Variants in EVC2 observed in about 807,000 individuals in gnomAD.
The protein encoded by EVC2 is EvC ciliary complex subunit 2.
A neutral mutation model predicts 149.3 loss-of-function variants in EVC2; 148 were observed. That is an observed-to-expected ratio of 0.99 (90% CI 0.87 to 1.14). The LOEUF (loss-of-function observed/expected upper bound fraction) is 1.14. EVC2 is among the 50% of genes most tolerant of loss of function. EVC2 has a pLI of 0.00. For missense variants in EVC2, 1,854 were observed against 1,627.3 expected (o/e 1.14, Z -2.40); for synonymous variants, 776 against 649.9 (o/e 1.19, Z -2.95).
At position 5,618,177 on chromosome 4, in the gene EVC2, G is replaced by C. The variant is rs1715405142; in HGVS notation, c.2706+301C>G. On this transcript the variant is annotated intron_variant, in intron 15 of 21. Transcript: ENST00000344408. This position sits in a 1 kb window ranked among gnomAD's most constrained non-coding sequence, Gnocchi z 4.4. ...GCAGGAGAGACAGAGTAATATCTCA[G>C]GCCAGGCAGCTTCCCTCAGGAGATT... is the stretch of plus-strand genomic sequence containing the variant. Among the ~76,000 whole-genome samples, 1 of 152,172 alleles carries C rather than the reference G, an allele frequency of 6.6e-6. No individual in the cohort carries two copies.
At chr4:5,708,693 G>A, upstream of EVC2, 1 of 481,248 alleles carries the variant, frequency 2.1e-6, no homozygotes. Context: ...GCGTGGGAGG[G>A]GGAGAGCGAG....
At chr4:5,684,133 G>A (rs1202155851) in intron 6 of EVC2, among the ~76,000 whole-genome samples, 2 of 151,966 alleles carry the variant, frequency 1.3e-5, no homozygotes, top group East Asian at 1.9e-4. Context: ...GATTTCTTCT[G>A]GACCATTTTA....
chr4:5,706,142 T>C (rs1261567060), intron 1 of EVC2, among the ~76,000 whole-genome samples: 1 of 151,756 alleles, frequency 6.6e-6, no homozygotes, highest in Non-Finnish European at 1.5e-5. Flanking sequence ...ATCCTTCAAG[T>C]CTTGACTGAC....
intron 16 of EVC2, among the ~76,000 whole-genome samples, chr4:5,590,621 T>G (rs4334691): frequency 0.17 from 25,399 of 151,590 alleles, 2,949 homozygotes; most frequent in East Asian, 0.62. Context: ...TAATACACAC[T>G]GACCACAGAG....
In EVC2 at chr4:5,650,071, C is replaced by T. The variant is rs115397781; in HGVS notation, c.1146-9233G>A. Among the ~76,000 whole-genome samples, 783 of 152,268 alleles carry T rather than the reference C, an allele frequency of 5.1e-3. 12 individuals are homozygous for T. Among genetic ancestry groups the T allele is most frequent in the African/African-American group, 0.016 (672 of 41,544 alleles). On this transcript the variant is annotated intron_variant, in intron 9 of 21. Transcript: ENST00000344408. ...GAGGTCAGCAGTTTGCATCTTTCTTCGCTGACAATTTTGCTCTTAAAGATT... is the reference window on the plus strand; with the variant it reads ...GAGGTCAGCAGTTTGCATCTTTCTTTGCTGACAATTTTGCTCTTAAAGATT...
intron 16 of EVC2, among the ~76,000 whole-genome samples, chr4:5,605,863 G>A (rs1156487813): frequency 4.6e-5 from 7 of 152,162 alleles, no homozygotes; most frequent in Non-Finnish European, 1.0e-4. Flanking sequence ...CAGCAACTTT[G>A]ACATCTCCCC....
In EVC2 at chr4:5,636,685, C is replaced by G. The variant is rs1300505293; in HGVS notation, c.1470+3829G>C. Among the ~76,000 whole-genome samples the G allele has an allele frequency of 6.6e-5, 10 of 152,050 alleles. No individual in the cohort carries two copies. The highest frequency in any genetic ancestry group is 1.3e-4 in the Non-Finnish European group (9 of 68,018). On this transcript the variant is annotated intron_variant, in intron 10 of 21. Coordinates refer to ENST00000344408, the MANE Select transcript of EVC2 (RefSeq NM_147127.5). The surrounding 1 kb of genome is among the most constrained non-coding windows in gnomAD (Gnocchi z 4.6). ...GGTGGGGAGGGTCCTGGAACCAATG[C>G]TTCCTGGGTATCAAGGGAGGGATGA...
At chr4:5,706,381 CATAG>C (rs373650736) in intron 1 of EVC2, among the ~76,000 whole-genome samples, 7 of 7,390 alleles carry the variant, frequency 9.5e-4, no homozygotes, top group Admixed American at 1.5e-3. Flanking sequence ...TAGATAGATA[CATAG>C]ATAGATACAT....
chr4:5,536,732 A>T, the EVC2 span, among the ~76,000 whole-genome samples: 3 of 151,830 alleles, frequency 2.0e-5, no homozygotes, highest in Non-Finnish European at 4.4e-5. Context: ...TGCAATGAGC[A>T]GAGATCACGC....
downstream of EVC2, among the ~76,000 whole-genome samples, chr4:5,538,674 T>A (rs926323346): frequency 2.0e-5 from 3 of 152,178 alleles, no homozygotes; most frequent in African/African-American, 4.8e-5. Flanking sequence ...TAATATTTTT[T>A]AAAAAATCAA....
At chr4:5,586,213 T>A (rs1712264229) in intron 16 of EVC2, among the ~76,000 whole-genome samples, 1 of 152,164 alleles carries the variant, frequency 6.6e-6, no homozygotes, top group Non-Finnish European at 1.5e-5. Flanking sequence ...CCTTTTACCA[T>A]CTTCTTCTGG....
At chr4:5,685,772 T>C (rs770595417) in intron 5 of EVC2, among the ~76,000 whole-genome samples, 7 of 152,220 alleles carry the variant, frequency 4.6e-5, no homozygotes, top group Non-Finnish European at 1.0e-4. Flanking sequence ...CTGGCTCTCC[T>C]AGCCCTTTCT....
chr4:5,674,708 G>C (rs1009186256), intron 7 of EVC2, among the ~76,000 whole-genome samples: 1 of 152,164 alleles, frequency 6.6e-6, no homozygotes, highest in East Asian at 1.9e-4. Context: ...AAGGCGCCCA[G>C]TGGCCCCGAG....
At chr4:5,659,719 T>C (rs1386753469) in intron 9 of EVC2, among the ~76,000 whole-genome samples, 5 of 152,200 alleles carry the variant, frequency 3.3e-5, no homozygotes, top group African/African-American at 7.2e-5. Flanking sequence ...ACTGGCAAAC[T>C]GCAGCAGCTG....
At chr4:5,651,265 T>C (rs1718125713) in intron 9 of EVC2, among the ~76,000 whole-genome samples, 1 of 151,780 alleles carries the variant, frequency 6.6e-6, no homozygotes, top group South Asian at 2.1e-4. Context: ...GGTGGGTGGA[T>C]GGATATGCAG....
intron 1 of EVC2, among the ~76,000 whole-genome samples, chr4:5,701,748 A>G (rs535822745): frequency 8.5e-5 from 13 of 152,334 alleles, no homozygotes; most frequent in African/African-American, 2.2e-4. Flanking sequence ...AGTGATTTCC[A>G]ACCTGAGGCT....
chr4:5,615,326 A>T, intron 16 of EVC2, 96 bp downstream of exon 16: 1 of 1,590,720 alleles, frequency 6.3e-7, no homozygotes, highest in Non-Finnish European at 8.6e-7. Flanking sequence ...TGGATGGCAC[A>T]GCCCCAAGGG....
chr4:5,643,059 A>G (rs930046527), intron 9 of EVC2, among the ~76,000 whole-genome samples: 5 of 152,242 alleles, frequency 3.3e-5, no homozygotes, highest in Admixed American at 3.3e-4. Context: ...ACTTGTCTAC[A>G]TGAATATGTA....
intron 9 of EVC2, among the ~76,000 whole-genome samples, chr4:5,647,832 C>A (rs1394671588): frequency 6.6e-6 from 1 of 152,140 alleles, no homozygotes; most frequent in South Asian, 2.1e-4. Context: ...AAGAACAAGG[C>A]CTTTTAAAAT....
Sources: allele counts gnomAD v4.1 joint callset (sites outside exome capture counted in the v4.1 genomes callset), GRCh38; gene constraint gnomAD v4.1.1; non-coding constraint Gnocchi (gnomAD v3.1); transcripts MANE v1.5; gene names NCBI Gene and HGNC (gene_info 2026-07-23, HGNC 2026-07-21).